Variants in PTPRG observed in about 807,000 individuals in gnomAD.
PTPRG encodes the protein protein tyrosine phosphatase receptor type G.
A neutral mutation model predicts 165.3 loss-of-function variants in PTPRG; 102 were observed. The ratio of observed to expected loss-of-function variants is 0.62; its 90% CI spans 0.53 to 0.73. The LOEUF is 0.73. PTPRG is among the 30% of genes least tolerant of loss of function. The pLI, the probability that PTPRG is intolerant of heterozygous loss-of-function variation, is 0.00. For missense variants in PTPRG, 1,866 were observed against 1,861.4 expected, an observed-to-expected ratio of 1.00 and a Z score of -0.05; for synonymous variants, 675 against 669.5, an observed-to-expected ratio of 1.01 and a Z score of -0.13.
At chr3:62,104,084 C>T (rs1283466272) in intron 5 of PTPRG, among the ~76,000 whole-genome samples, 1 of 152,210 alleles carries the variant, frequency 6.6e-6, no homozygotes, top group Non-Finnish European at 1.5e-5. Context: ...CCTAAGCTTG[C>T]TGCTACATGG....
chr3:62,101,980 A>G (rs985770066), intron 5 of PTPRG, among the ~76,000 whole-genome samples: 2 of 152,152 alleles, frequency 1.3e-5, no homozygotes, highest in Non-Finnish European at 2.9e-5. Context: ...TTTTTAAGTT[A>G]TCATTGAGAA....
At chr3:61,880,864 T>C (rs1284838215) in intron 2 of PTPRG, among the ~76,000 whole-genome samples, 1 of 151,868 alleles carries the variant, frequency 6.6e-6, no homozygotes, top group Admixed American at 6.6e-5. Flanking sequence ...GTTGGAGTCA[T>C]AGAGTATTGG....
At chr3:61,793,452 A>G (rs1321914957) in intron 2 of PTPRG, among the ~76,000 whole-genome samples, 9 of 152,198 alleles carry the variant, frequency 5.9e-5, no homozygotes, top group Admixed American at 5.2e-4. Context: ...TGTGATGGCA[A>G]CTTCCTGGCC....
intron 2 of PTPRG, among the ~76,000 whole-genome samples, chr3:61,949,801 G>A (rs1033466312): frequency 8.6e-5 from 13 of 151,708 alleles, no homozygotes; most frequent in African/African-American, 2.9e-4. Context: ...AGGCTGGAGT[G>A]CAGTGGCGTG....
chr3:61,829,431 G>A (rs1248806214), intron 2 of PTPRG, among the ~76,000 whole-genome samples: 7 of 152,230 alleles, frequency 4.6e-5, no homozygotes, highest in African/African-American at 1.4e-4. Context: ...GCAGGCTGGG[G>A]GCCATTTATC....
intron 1 of PTPRG, among the ~76,000 whole-genome samples, chr3:61,630,677 CTCTT>C (rs1263014198): frequency 6.6e-6 from 1 of 152,144 alleles, no homozygotes; most frequent in Non-Finnish European, 1.5e-5. Flanking sequence ...CATCTCAAGT[CTCTT>C]TGACCACAAG....
chr3:61,579,862 T>C (rs1700244430), intron 1 of PTPRG, among the ~76,000 whole-genome samples: 2 of 152,214 alleles, frequency 1.3e-5, no homozygotes, highest in African/African-American at 4.8e-5. Flanking sequence ...GAAGTCTTTG[T>C]ATACACAGCT....
intron 2 of PTPRG, among the ~76,000 whole-genome samples, chr3:61,774,325 T>C (rs1367904985): frequency 6.6e-6 from 1 of 152,222 alleles, no homozygotes; most frequent in Non-Finnish European, 1.5e-5. Flanking sequence ...TATTCATTTA[T>C]ATGCATTCAG....
intron 2 of PTPRG, among the ~76,000 whole-genome samples, chr3:61,752,802 G>GA (rs532651498): frequency 1.3e-4 from 13 of 103,718 alleles, no homozygotes; most frequent in East Asian, 8.6e-4. Context: ...AAAAAAAAAA[G>GA]AAAAAAAAAA....
chr3:61,959,929 C>T (rs140606222), intron 2 of PTPRG, among the ~76,000 whole-genome samples: 1 of 152,214 alleles, frequency 6.6e-6, no homozygotes, highest in Non-Finnish European at 1.5e-5. Context: ...CCCTAACGTT[C>T]TGTGCTGTTC....
chr3:62,001,020 G>A (rs1023212910), intron 3 of PTPRG, among the ~76,000 whole-genome samples: 1 of 152,220 alleles, frequency 6.6e-6, no homozygotes, highest in Non-Finnish European at 1.5e-5. Context: ...TTAAGTGGCA[G>A]AATGGAATTC....
intron 7 of PTPRG, among the ~76,000 whole-genome samples, chr3:62,167,333 A>G (rs1446281512): frequency 6.6e-6 from 1 of 152,174 alleles, no homozygotes; most frequent in Non-Finnish European, 1.5e-5. Flanking sequence ...ACTTTGCCAA[A>G]CTTGATCACT....
intron 1 of PTPRG, among the ~76,000 whole-genome samples, chr3:61,641,122 A>G (rs1003833038): frequency 2.0e-5 from 3 of 152,208 alleles, no homozygotes; most frequent in Non-Finnish European, 4.4e-5. Context: ...AACTCCTTGG[A>G]GTAGCCTGTT....
chr3:61,985,641 T>C (rs2040740692), intron 2 of PTPRG, among the ~76,000 whole-genome samples: 1 of 152,184 alleles, frequency 6.6e-6, no homozygotes, highest in Admixed American at 6.5e-5. Flanking sequence ...CTCAGCCCTG[T>C]CTAGGACTGA....
rs77956822 is a variant in PTPRG, at chr3:61,875,558, C to G, written c.191-114067C>G. 1.2e-3 allele frequency among the ~76,000 whole-genome samples: 181 copies of G among 152,142 alleles called. 2 individuals carry two copies. The highest frequency in any genetic ancestry group is 7.5e-3 in the South Asian group (36 of 4,804). Reference sequence around the variant, plus strand: ...TTTGCTCTATATTTATATTTTGGGACTTGGGTAACTGACGATTCAGACATC... The same window carrying G: ...TTTGCTCTATATTTATATTTTGGGAGTTGGGTAACTGACGATTCAGACATC... On this transcript the variant is annotated intron_variant, in intron 2 of 29. Transcript: ENST00000474889.
At chr3:61,871,762 G>T (rs905085445) in intron 2 of PTPRG, among the ~76,000 whole-genome samples, 1 of 152,182 alleles carries the variant, frequency 6.6e-6, no homozygotes, top group African/African-American at 2.4e-5. Flanking sequence ...AGCAGGACCT[G>T]GAAATCACAA....
At chr3:61,845,874 A>G (rs1356202853) in intron 2 of PTPRG, among the ~76,000 whole-genome samples, 2 of 152,096 alleles carry the variant, frequency 1.3e-5, no homozygotes, top group Non-Finnish European at 2.9e-5. Flanking sequence ...TTGTGTTTTT[A>G]AAGTATTAGT....
chr3:61,655,464 T>A lies in PTPRG; in HGVS notation c.85+93092T>A, dbSNP rs147263423. On this transcript the variant is annotated intron_variant, in intron 1 of 29. Coordinates refer to ENST00000474889, the MANE Select transcript of PTPRG (RefSeq NM_002841.4). ...GGCACATAGTAGATGTTCAGAAATA[T>A]GGACTAAATGAGTATTATAATTGAC... Among the ~76,000 whole-genome samples, 582 of 152,318 alleles carry A rather than the reference T, an allele frequency of 3.8e-3. 4 individuals carry two copies. Among genetic ancestry groups the A allele is most frequent in the Non-Finnish European group, 6.7e-3 (454 of 68,024 alleles).
chr3:61,770,980 A>T (rs2034189775), intron 2 of PTPRG: 2 of 152,086 alleles, frequency 1.3e-5, no homozygotes, highest in Non-Finnish European at 2.9e-5. Flanking sequence ...AGATAGAGTT[A>T]TCCTTTCTTC....
Sources: gnomAD v4.1 joint callset for allele counts (sites outside exome capture counted in the v4.1 genomes callset) on GRCh38, gnomAD v4.1.1 for gene constraint, MANE v1.5 for transcripts, NCBI Gene and HGNC (gene_info 2026-07-23, HGNC 2026-07-21) for gene names.